Variants in CSMD1 observed in about 807,000 individuals in gnomAD.
CSMD1 encodes the protein CUB and sushi domain-containing protein 1.
Under a neutral mutation model 417.5 loss-of-function variants are expected in CSMD1, and 213 were observed. That is an observed-to-expected ratio of 0.51 (90% CI 0.46 to 0.57). The LOEUF (loss-of-function observed/expected upper bound fraction) is 0.57, where lower values mean the gene tolerates loss of function less well. Ranked by LOEUF, CSMD1 falls within the 20% of genes least tolerant of loss-of-function variation. The pLI, the probability that CSMD1 is intolerant of heterozygous loss-of-function variation, is 0.00. For missense variants in CSMD1, 6,923 were observed against 4,529.7 expected, an observed-to-expected ratio of 1.53 and a Z score of -15.17; for synonymous variants, 2,862 against 1,736.8, an observed-to-expected ratio of 1.65 and a Z score of -16.11.
At chr8:3,640,000 T>C (rs1317334316) in intron 7 of CSMD1, among the ~76,000 whole-genome samples, 1 of 152,196 alleles carries the variant, frequency 6.6e-6, no homozygotes, top group Non-Finnish European at 1.5e-5. Flanking sequence ...TGGGATATAG[T>C]AGGTGCTCAA....
At chr8:3,893,272 A>G (rs545608446) in intron 5 of CSMD1, among the ~76,000 whole-genome samples, 1 of 147,872 alleles carries the variant, frequency 6.8e-6, no homozygotes, top group South Asian at 2.2e-4. Context: ...AGCCTATAAA[A>G]CAAGTAATTT....
rs569712804 is a variant in CSMD1, at chr8:2,956,466, T to C, written c.9815-698A>G. On this transcript the variant is annotated intron_variant, in intron 63 of 69. Transcript: ENST00000635120. ...TATTTATTTTTATTTATTTATTTTTTATTTATTTTTTGAGTCTCGCTGTGT... is the reference window on the plus strand; with the variant it reads ...TATTTATTTTTATTTATTTATTTTTCATTTATTTTTTGAGTCTCGCTGTGT... Among the ~76,000 whole-genome samples, 922 of 152,138 alleles carry C rather than the reference T, an allele frequency of 6.1e-3. 12 individuals carry two copies. Among genetic ancestry groups the C allele is most frequent in the Middle Eastern group, 0.017 (5 of 294 alleles).
intron 3 of CSMD1, among the ~76,000 whole-genome samples, chr8:4,063,878 G>A (rs1036142630): frequency 5.9e-5 from 9 of 152,146 alleles, no homozygotes; most frequent in African/African-American, 1.7e-4. Flanking sequence ...CATTTTACAC[G>A]TAGCTGAAAT....
chr8:2,971,547 T>C (rs1362408826), intron 57 of CSMD1, among the ~76,000 whole-genome samples: 1 of 152,158 alleles, frequency 6.6e-6, no homozygotes, highest in African/African-American at 2.4e-5. Flanking sequence ...GTGCCTCATA[T>C]CGGGAAGATA....
At chr8:4,110,486 A>C (rs1227692018) in intron 3 of CSMD1, among the ~76,000 whole-genome samples, 1 of 152,148 alleles carries the variant, frequency 6.6e-6, no homozygotes, top group East Asian at 1.9e-4. Flanking sequence ...AGAAATGTTA[A>C]CTTTTCATAT....
chr8:3,365,022 T>C (rs1019762234), intron 20 of CSMD1, among the ~76,000 whole-genome samples: 6 of 152,200 alleles, frequency 3.9e-5, no homozygotes, highest in African/African-American at 1.4e-4. Context: ...GCCATTTTCT[T>C]TTTTTGGAGA....
chr8:3,578,190 C>T lies in CSMD1; in HGVS notation c.1223-3124G>A, dbSNP rs11985202. On this transcript the variant is annotated intron_variant, in intron 9 of 69. Transcript: ENST00000635120. ...AATTTCTCATGTCTACCATATGTTA[C>T]GCTTTAAAAAATTAGGTATTTGGAA... 7.3e-3 allele frequency among the ~76,000 whole-genome samples: 1,114 copies of T among 152,194 alleles called. 6 individuals are homozygous for T. Among genetic ancestry groups the T allele is most frequent in the African/African-American group, 0.015 (606 of 41,520 alleles).
intron 41 of CSMD1, chr8:3,127,250 G>A (rs1402651014): frequency 1.3e-5 from 2 of 152,200 alleles, no homozygotes; most frequent in Non-Finnish European, 2.9e-5. Flanking sequence ...TCTTTGTAAA[G>A]CCTTAGGTTG....
intron 7 of CSMD1, among the ~76,000 whole-genome samples, chr8:3,621,260 CA>C (rs1375872843): frequency 6.6e-6 from 1 of 152,234 alleles, no homozygotes; most frequent in East Asian, 1.9e-4. Context: ...CACCCCAAAC[CA>C]AAGACATAGG....
chr8:4,772,221 G>C (rs1472488186), intron 1 of CSMD1, among the ~76,000 whole-genome samples: 2 of 152,160 alleles, frequency 1.3e-5, no homozygotes, highest in Non-Finnish European at 2.9e-5. Flanking sequence ...TCCAGCAGCA[G>C]CCTGGGCTCC....
chr8:3,794,846 C>G (rs1214523252), intron 5 of CSMD1, among the ~76,000 whole-genome samples: 1 of 144,492 alleles, frequency 6.9e-6, no homozygotes, highest in East Asian at 2.1e-4. Flanking sequence ...CAAGGAAGCC[C>G]ATATCCGGGA....
intron 3 of CSMD1, among the ~76,000 whole-genome samples, chr8:4,326,612 A>T (rs1799577327): frequency 6.6e-6 from 1 of 152,218 alleles, no homozygotes; most frequent in African/African-American, 2.4e-5. Flanking sequence ...AGAAAACAGT[A>T]AGAAACCTCA....
chr8:4,290,383 G>T (rs141741743), intron 3 of CSMD1, among the ~76,000 whole-genome samples: 1 of 152,184 alleles, frequency 6.6e-6, no homozygotes, highest in African/African-American at 2.4e-5. Context: ...GCCCAAAGAC[G>T]TAGGAAGTGG....
intron 3 of CSMD1, among the ~76,000 whole-genome samples, chr8:4,150,465 C>T (rs893786735): frequency 2.6e-5 from 4 of 152,192 alleles, no homozygotes; most frequent in Non-Finnish European, 4.4e-5. Flanking sequence ...GGGCTTAGAA[C>T]TTCAGCTAAC....
At chr8:4,356,737 A>G (rs962898021) in intron 3 of CSMD1, among the ~76,000 whole-genome samples, 4 of 151,968 alleles carry the variant, frequency 2.6e-5, no homozygotes, top group Admixed American at 6.6e-5. Context: ...CAGTGAGGGC[A>G]CCTTCTCCGG....
intron 8 of CSMD1, among the ~76,000 whole-genome samples, chr8:3,604,753 T>C (rs183272275): frequency 6.6e-6 from 1 of 152,262 alleles, no homozygotes; most frequent in Non-Finnish European, 1.5e-5. Flanking sequence ...CTTGGACACA[T>C]GGGCATAACC....
intron 3 of CSMD1, among the ~76,000 whole-genome samples, chr8:4,146,579 T>A (rs961180472): frequency 4.8e-5 from 7 of 145,326 alleles, no homozygotes; most frequent in Non-Finnish European, 9.0e-5. Context: ...TCTGTCTAAA[T>A]GTTTATATGG....
At chr8:2,975,868 GC>G (rs1264710337) in intron 55 of CSMD1, among the ~76,000 whole-genome samples, 1 of 152,038 alleles carries the variant, frequency 6.6e-6, no homozygotes, top group Non-Finnish European at 1.5e-5. Context: ...GAAAAGGAGA[GC>G]CAGCTAAACC....
rs116692843 is a variant in CSMD1 at position 3,523,720 on chromosome 8, T to G, written c.1345-29994A>C. ...GCACACATGTGCATGCACACACATA[T>G]GCATGCACACTCAGAGACACATGCA... On this transcript the variant is annotated intron_variant, in intron 10 of 69. Coordinates refer to ENST00000635120, the MANE Select transcript of CSMD1 (RefSeq NM_033225.6). 5.7e-3 allele frequency among the ~76,000 whole-genome samples: 810 copies of G among 142,964 alleles called. 4 individuals are homozygous for G. The highest frequency in any genetic ancestry group is 0.02 in the African/African-American group (776 of 37,926). The allele number at this position is 142,964 out of a possible 152,430, so 93.8% of individuals were successfully genotyped here. A position where few individuals can be genotyped will look rare whatever the true frequency, so the allele number is the denominator to read the frequency against.
Sources: gnomAD v4.1 joint callset for allele counts (sites outside exome capture counted in the v4.1 genomes callset) on GRCh38, gnomAD v4.1.1 for gene constraint, MANE v1.5 for transcripts, NCBI Gene and HGNC (gene_info 2026-07-23, HGNC 2026-07-21) for gene names.